Variants in MASTL observed in about 807,000 individuals in gnomAD.
MASTL encodes microtubule associated serine/threonine kinase like, also known as serine/threonine-protein kinase greatwall.
MASTL carries 54 observed loss-of-function variants against 82.5 expected under a neutral mutation model. The observed-to-expected ratio is 0.65, with a 90% CI of 0.53 to 0.82. The LOEUF (loss-of-function observed/expected upper bound fraction) is 0.82. Ranked by LOEUF, MASTL falls within the 40% of genes least tolerant of loss-of-function variation. The pLI is 0.00. For missense variants in MASTL, 950 were observed against 1,047.8 expected (o/e 0.91, Z 1.29); for synonymous variants, 323 against 368.9 (o/e 0.88, Z 1.43).
At chr10:27,176,714 A>C (rs2058111723) in intron 9 of MASTL, among the ~76,000 whole-genome samples, 1 of 152,118 alleles carries the variant, frequency 6.6e-6, no homozygotes, top group Non-Finnish European at 1.5e-5. Context: ...GGAATTATTC[A>C]CTTCTATGTT....
chr10:27,178,395 CAA>C (rs35522896), intron 9 of MASTL, among the ~76,000 whole-genome samples: 6 of 131,024 alleles, frequency 4.6e-5, no homozygotes, highest in Non-Finnish European at 3.2e-5. Context: ...GACTCCATCT[CAA>C]AAAAAAAAAA....
At chr10:27,176,571 C>G (rs898450394) in intron 9 of MASTL, among the ~76,000 whole-genome samples, 4 of 152,120 alleles carry the variant, frequency 2.6e-5, no homozygotes, top group African/African-American at 9.7e-5. Context: ...ATTTTCAGGT[C>G]TTCCCTATTT....
chr10:27,160,869 A>C (rs1053477647), intron 3 of MASTL, among the ~76,000 whole-genome samples: 5 of 152,224 alleles, frequency 3.3e-5, no homozygotes, highest in Admixed American at 1.3e-4. Context: ...GATACCAAAG[A>C]TAATCTAGTA....
At position 27,187,446 on chromosome 10, in the gene MASTL, G is replaced by A. The variant is rs924601049; in HGVS notation, c.*910G>A. On this transcript the variant is annotated 3_prime_UTR_variant, in exon 12 of 12. Transcript: ENST00000375940. Reference sequence around the variant, plus strand: ...TCTATTGGTGCGTAGTCCACAATATGTATTTGTTTAAAATGGTACTGGAGG... The same window carrying A: ...TCTATTGGTGCGTAGTCCACAATATATATTTGTTTAAAATGGTACTGGAGG... Among the ~76,000 whole-genome samples, 2 of 152,190 alleles carry A rather than the reference G, an allele frequency of 1.3e-5. No homozygotes were observed. The highest frequency in any genetic ancestry group is 4.8e-5 in the African/African-American group (2 of 41,452).
intron 9 of MASTL, among the ~76,000 whole-genome samples, chr10:27,178,022 T>A (rs1042932843): frequency 6.6e-6 from 1 of 152,202 alleles, no homozygotes; most frequent in African/African-American, 2.4e-5. Context: ...TGAGGCGTTT[T>A]TCATCAACTT....
Position 27,165,515 on chromosome 10 carries a change from T to C in MASTL, c.787T>C (p.Tyr263His). The C allele has an allele frequency of 6.2e-7, 1 of 1,614,154 alleles. No homozygotes were observed. The highest frequency in any genetic ancestry group is 8.5e-7 in the Non-Finnish European group (1 of 1,180,008). Residue 263 changes from tyrosine (Y) to histidine (H), a missense_variant, in exon 6 of 12, where the codon TAT (tyrosine) becomes CAT (histidine). Tyr to His is a moderately conservative substitution (Grantham distance 83). Coordinates refer to ENST00000375940, the MANE Select transcript of MASTL (RefSeq NM_001172303.3). ...TGTAGATCAAAAGGACACTACGCCTTATTCTAGCAAATTACTAAAATCATG... is the reference window on the plus strand; with the variant it reads ...TGTAGATCAAAAGGACACTACGCCTCATTCTAGCAAATTACTAAAATCATG... ...MSVDQKDTTP[Y>H]SSKLLKSCLE... is the part of the protein sequence containing the mutation.
chr10:27,155,651 T>A, intron 1 of MASTL, 39 bp downstream of exon 1: 1 of 1,609,802 alleles, frequency 6.2e-7, no homozygotes, highest in East Asian at 2.2e-5. Context: ...GGTTAGGCCC[T>A]TCGGCCCTCC....
rs1193039555 is a variant in MASTL at position 27,187,313 on chromosome 10, C to T, written c.*777C>T. Among the ~76,000 whole-genome samples the T allele has an allele frequency of 6.6e-6, 1 of 151,556 alleles. No individual in the cohort carries two copies. Among genetic ancestry groups the T allele is most frequent in the Non-Finnish European group, 1.5e-5 (1 of 67,834 alleles). ...AGACTCCGTCTCAAAAAAATAAAGG[C>T]AGCTGGAAAATTCCTTCACTTAGTA... On this transcript the variant is annotated 3_prime_UTR_variant, in exon 12 of 12. Transcript: ENST00000375940.
chr10:27,177,654 T>C (rs985177701), intron 9 of MASTL: 4 of 160,264 alleles, frequency 2.5e-5, no homozygotes, highest in African/African-American at 9.6e-5. Flanking sequence ...GTAGGCTGGT[T>C]TCTCTTTGGG....
At chr10:27,163,959 A>T (rs1468831758) in intron 4 of MASTL, among the ~76,000 whole-genome samples, 3 of 151,820 alleles carry the variant, frequency 2.0e-5, no homozygotes, top group Admixed American at 6.6e-5. Flanking sequence ...TTTGAGAGAG[A>T]GTCTTGCTCT....
intron 4 of MASTL, 133 bp from the exon 5 acceptor site, chr10:27,164,931 C>T: frequency 1.5e-6 from 1 of 666,648 alleles, no homozygotes; most frequent in Admixed American, 2.3e-5. Flanking sequence ...AGCCACCGTG[C>T]CCAGCCACTG....
chr10:27,154,906 G>A (rs976602450), upstream of MASTL: 1 of 163,032 alleles, frequency 6.1e-6, no homozygotes, highest in African/African-American at 2.4e-5. Flanking sequence ...GAAAACGTCA[G>A]ATGACAGGGG....
rs74755602 is a variant in MASTL, at chr10:27,177,705, T to G, written c.2267-3248T>G. 129 of 227,246 alleles carry G rather than the reference T, an allele frequency of 5.7e-4. 1 individual carries two copies. In the East Asian group the frequency reaches 0.02, roughly 36 times the overall value. The allele number at this position is 227,246 out of a possible 1,614,324, so 14.1% of individuals were successfully genotyped here. On this transcript the variant is annotated intron_variant, in intron 9 of 11. Transcript: ENST00000375940. ...TAATCGTCTTTGTATCCTTTATATC[T>G]GGCACAATACCTGGTGCCCAGTTCA...
chr10:27,180,859 T>C (rs1191859360), intron 9 of MASTL, 94 bp from the exon 10 acceptor site: 1 of 866,280 alleles, frequency 1.2e-6, no homozygotes, highest in Non-Finnish European at 2.0e-6. Context: ...GCCTAACTCG[T>C]TTTCCCTAAT....
At chr10:27,186,211 C>A (rs2058736183) in intron 11 of MASTL, among the ~76,000 whole-genome samples, 168 bp from the exon 12 acceptor site, 1 of 152,148 alleles carries the variant, frequency 6.6e-6, no homozygotes, top group Non-Finnish European at 1.5e-5. Context: ...CCCATGTAGA[C>A]CTTTGTGAAG....
intron 1 of MASTL, among the ~76,000 whole-genome samples, 153 bp from the exon 2 acceptor site, chr10:27,158,396 A>T (rs1228328514): frequency 6.6e-6 from 1 of 152,212 alleles, no homozygotes; most frequent in African/African-American, 2.4e-5. Context: ...AGTCCCAGCT[A>T]CTTGGGAGGC....
rs2058784829 is a variant in MASTL, at chr10:27,186,790, T to TAA, written c.*254_*255insAA. 4.3e-6 allele frequency: 2 copies of TAA among 462,994 alleles called. No homozygotes were observed. Among genetic ancestry groups the TAA allele is most frequent in the African/African-American group, 3.9e-5 (2 of 50,958 alleles). The allele number at this position is 462,994 out of a possible 1,614,324, so 28.7% of individuals were successfully genotyped here. A position where few individuals can be genotyped will look rare whatever the true frequency, so the allele number is the denominator to read the frequency against. On this transcript the variant is annotated 3_prime_UTR_variant, in exon 12 of 12. Coordinates refer to ENST00000375940, the MANE Select transcript of MASTL (RefSeq NM_001172303.3). ...TATTTATTTTGTTTATTGCACTTTA[T>TAA]GAAAACTGAAGCATCAATAAAATTA... is the stretch of plus-strand genomic sequence containing the variant.
At position 27,159,782 on chromosome 10, in the gene MASTL, A is replaced by G; in HGVS notation, c.464+24A>G. ...AGGTAAAGACTGACTTCTCCAAATT[A>G]TTACTTAAAAATTCAAGTAATCAAA... is the stretch of plus-strand genomic sequence containing the variant. On this transcript the variant is annotated intron_variant, in intron 3 of 11. Transcript: ENST00000375940. This position sits in a 1 kb window ranked among gnomAD's most constrained non-coding sequence, Gnocchi z 4.0. The G allele has an allele frequency of 6.3e-7, 1 of 1,597,620 alleles. No homozygotes were observed. Among genetic ancestry groups the G allele is most frequent in the Non-Finnish European group, 8.6e-7 (1 of 1,166,336 alleles).
rs749135763 is a variant in MASTL at position 27,155,377 on chromosome 10, G to A, written c.-50G>A. On this transcript the variant is annotated 5_prime_UTR_variant, in exon 1 of 12. Transcript: ENST00000375940. ...ACTTTGAACCCAGTTGGCGGGAGTGGCTGCTCGCGGAGGGGCAGTGTCTGC... is the reference window on the plus strand; with the variant it reads ...ACTTTGAACCCAGTTGGCGGGAGTGACTGCTCGCGGAGGGGCAGTGTCTGC... 3.3e-6 allele frequency: 5 copies of A among 1,537,076 alleles called. No homozygotes were observed. The highest frequency in any genetic ancestry group is 1.4e-5 in the African/African-American group (1 of 72,908).
Sources: gnomAD v4.1 joint callset for allele counts (sites outside exome capture counted in the v4.1 genomes callset) on GRCh38, gnomAD v4.1.1 for gene constraint, Gnocchi (gnomAD v3.1) non-coding constraint, MANE v1.5 for transcripts, NCBI Gene and HGNC (gene_info 2026-07-23, HGNC 2026-07-21) for gene names.